MIA2: variants seen among roughly 807,000 people sequenced by gnomAD.
MIA2 encodes MIA SH3 domain ER export factor 2.
Under a neutral mutation model 167.8 loss-of-function variants are expected in MIA2, and 127 were observed. The observed-to-expected ratio is 0.76, with a 90% CI of 0.66 to 0.88. The LOEUF (loss-of-function observed/expected upper bound fraction) is 0.88, where lower values mean the gene tolerates loss of function less well. Among genes scored for constraint, MIA2 ranks in the 40% least tolerant of loss-of-function variants. MIA2 has a pLI of 0.00. For missense variants in MIA2, 1,690 were observed against 1,624.7 expected, an observed-to-expected ratio of 1.04 and a Z score of -0.69; for synonymous variants, 552 against 541.9, an observed-to-expected ratio of 1.02 and a Z score of -0.26.
intron 6 of MIA2, 164 bp downstream of exon 6, chr14:39,253,335 G>T: frequency 1.1e-6 from 1 of 917,012 alleles, no homozygotes; most frequent in East Asian, 2.6e-5. Context: ...TGAATGTTTT[G>T]TCAAATGGAT....
At chr14:39,343,787 A>G (rs929165801) in intron 25 of MIA2, among the ~76,000 whole-genome samples, 9 of 152,026 alleles carry the variant, frequency 5.9e-5, no homozygotes, top group Non-Finnish European at 1.3e-4. Context: ...TATTATGTGT[A>G]TATGTGTATG....
chr14:39,386,597 T>G, intron 23 of MIA2: 2 of 1,058,404 alleles, frequency 1.9e-6, no homozygotes, highest in South Asian at 2.9e-5. Flanking sequence ...CACAGTGGGC[T>G]TTCTTTTTTC....
intron 23 of MIA2, among the ~76,000 whole-genome samples, chr14:39,369,658 A>T (rs2074895420): frequency 6.6e-6 from 1 of 152,054 alleles, no homozygotes; most frequent in African/African-American, 2.4e-5. Flanking sequence ...CTGTTATGGG[A>T]TTTCAGTCAG....
chr14:39,236,888 A>T (rs943117901), intron 1 of MIA2, 34 bp from the exon 2 acceptor site: 1 of 1,568,778 alleles, frequency 6.4e-7, no homozygotes, highest in Admixed American at 1.8e-5. Flanking sequence ...ATTTTAATTT[A>T]AAGTGTGTAT....
intron 1 of MIA2, among the ~76,000 whole-genome samples, chr14:39,236,243 G>T (rs1182258660): frequency 1.3e-5 from 2 of 152,160 alleles, no homozygotes; most frequent in African/African-American, 4.8e-5. Flanking sequence ...CAGAGAAAGG[G>T]CAATCGCAGT....
intron 23 of MIA2, among the ~76,000 whole-genome samples, chr14:39,384,384 T>C (rs2075228459): frequency 6.6e-6 from 1 of 152,174 alleles, no homozygotes; most frequent in East Asian, 1.9e-4. Context: ...ACAATGCACC[T>C]GGTTATTAAG....
intron 23 of MIA2, among the ~76,000 whole-genome samples, chr14:39,375,896 TATTTTA>T (rs1449586270): frequency 3.3e-5 from 5 of 152,236 alleles, no homozygotes; most frequent in Non-Finnish European, 7.3e-5. Flanking sequence ...AGGATATTGT[TATTTTA>T]GTTATATAGT....
intron 23 of MIA2, among the ~76,000 whole-genome samples, chr14:39,361,298 T>C (rs2074676964): frequency 6.6e-6 from 1 of 152,224 alleles, no homozygotes; most frequent in South Asian, 2.1e-4. Flanking sequence ...TCTTTCTGTT[T>C]ATAGCCTCTT....
At chr14:39,380,234 G>C (rs1451615387) in intron 23 of MIA2, among the ~76,000 whole-genome samples, 1 of 152,202 alleles carries the variant, frequency 6.6e-6, no homozygotes, top group African/African-American at 2.4e-5. Context: ...TATTATCTCA[G>C]GTCTTCTCCA....
At position 39,313,359 on chromosome 14, in the gene MIA2, A is replaced by C. The variant is rs562467439; in HGVS notation, c.3037A>C (p.Asn1013His). 3 of 1,594,542 alleles carry C rather than the reference A, an allele frequency of 1.9e-6. No homozygotes were observed. In the East Asian group the frequency reaches 6.8e-5, roughly 36 times the overall value. ...KLHRKLTVEE[N>H]YRLEKEEKLS... ...TTTAAGGAAATTAACAGTAGAGGAA[A>C]ATTATCGGTTAGAGAAAGAAGAGAA... is the stretch of plus-strand genomic sequence containing the variant. The change falls in exon 19 of 29, where the codon AAT becomes CAT. Residue 1013 changes from asparagine (N) to histidine (H), a missense_variant. Asn to His is a moderately conservative substitution (Grantham distance 68). Coordinates refer to ENST00000640607, the MANE Select transcript of MIA2 (RefSeq NM_001329214.4).
intron 24 of MIA2, among the ~76,000 whole-genome samples, chr14:39,321,831 G>A (rs961994010): frequency 3.3e-5 from 5 of 150,732 alleles, no homozygotes; most frequent in African/African-American, 1.2e-4. Context: ...CGCGATCTCG[G>A]CTCACTGCAA....
At chr14:39,317,706 T>A (rs2065739537) in intron 21 of MIA2, among the ~76,000 whole-genome samples, 1 of 152,186 alleles carries the variant, frequency 6.6e-6, no homozygotes, top group African/African-American at 2.4e-5. Flanking sequence ...ATCCCAGATT[T>A]ATGGATGAGG....
intron 25 of MIA2, among the ~76,000 whole-genome samples, chr14:39,341,550 C>T (rs1198662237): frequency 6.6e-6 from 1 of 152,088 alleles, no homozygotes; most frequent in Non-Finnish European, 1.5e-5. Context: ...CAAGTGAGTA[C>T]AGATGTAGCT....
chr14:39,258,094 G>T (rs1484305983), intron 6 of MIA2, among the ~76,000 whole-genome samples: 1 of 152,134 alleles, frequency 6.6e-6, no homozygotes, highest in Non-Finnish European at 1.5e-5. Flanking sequence ...ATATGCTAGT[G>T]GTGTTCTCTG....
At chr14:39,370,852 T>G (rs2074927254) in intron 23 of MIA2, 1 of 152,528 alleles carries the variant, frequency 6.6e-6, no homozygotes, top group South Asian at 2.1e-4. Context: ...GTCTTTTAAA[T>G]AGAAAACTAA....
intron 23 of MIA2, among the ~76,000 whole-genome samples, chr14:39,357,166 G>A (rs190958326): frequency 5.3e-5 from 8 of 152,180 alleles, no homozygotes; most frequent in East Asian, 1.9e-4. Context: ...AAAGTCTCCC[G>A]TTATTATTTT....
chr14:39,259,195 C>A (rs1382852997), intron 6 of MIA2, among the ~76,000 whole-genome samples: 1 of 152,248 alleles, frequency 6.6e-6, no homozygotes, highest in African/African-American at 2.4e-5. Flanking sequence ...GCTCTGCCCA[C>A]AGCCGCCCCT....
rs2075214959 is a variant in MIA2, at chr14:39,383,734, G to T, written c.2249-3151G>T. ...AAGAAAGTGAAATGGCCTTATTGTT[G>T]ATATGGAGAAAATTTTAGTGGTCTG... On this transcript the variant is annotated intron_variant, in intron 23 of 23. Transcript: ENST00000341502. Among the ~76,000 whole-genome samples the T allele has an allele frequency of 2.0e-5, 3 of 152,138 alleles. 1 individual carries two copies. The South Asian group carries it at 6.2e-4, about 32-fold the overall frequency.
intron 25 of MIA2, among the ~76,000 whole-genome samples, chr14:39,340,213 C>T (rs1433208854): frequency 6.6e-6 from 1 of 152,138 alleles, no homozygotes; most frequent in Non-Finnish European, 1.5e-5. Flanking sequence ...TATGTGGTTT[C>T]TCCTTATTTT....
Sources: allele counts gnomAD v4.1 joint callset (sites outside exome capture counted in the v4.1 genomes callset), GRCh38; gene constraint gnomAD v4.1.1; transcripts MANE v1.5; gene names NCBI Gene and HGNC (gene_info 2026-07-23, HGNC 2026-07-21).